Variants in MYO1F observed in about 807,000 individuals in gnomAD.
MYO1F encodes the protein myosin IF.
In MYO1F, 60 loss-of-function variants were observed where a neutral mutation model predicts 146.6. The observed-to-expected ratio is 0.41, with a 90% CI of 0.33 to 0.51. MYO1F has a LOEUF of 0.51. Among genes scored for constraint, MYO1F ranks in the 20% least tolerant of loss-of-function variants. The pLI is 0.25. For synonymous variants in MYO1F, 602 were observed against 602.1 expected (o/e 1.00, Z 0.00); for missense variants, 1,274 against 1,534.3 (o/e 0.83, Z 2.83).
At position 8,527,248 on chromosome 19, in the gene MYO1F, A is replaced by G. The variant is rs1211208431; in HGVS notation, c.2474+90T>C. On this transcript the variant is annotated intron_variant, in intron 22 of 27. Coordinates refer to ENST00000644032, the MANE Select transcript of MYO1F (RefSeq NM_012335.4). ...GGCTACAGGCATGGCACCAGGTAAG[A>G]TTGTCAGGGTAACAGACGGGGTCAC... is the stretch of plus-strand genomic sequence containing the variant. 2.6e-6 allele frequency: 4 copies of G among 1,561,482 alleles called. No individual in the cohort carries two copies. The Admixed American group carries it at 7.0e-5, about 27-fold the overall frequency.
chr19:8,526,553 G>A lies in MYO1F; in HGVS notation c.2670C>T (p.Arg890=). 1 of 1,597,228 alleles carries A rather than the reference G, an allele frequency of 6.3e-7. No individual in the cohort carries two copies. The highest frequency in any genetic ancestry group is 8.5e-7 in the Non-Finnish European group (1 of 1,174,146). ...KKEGWGGGGT[R]SVTFSRGFGD... is the part of the protein sequence containing the mutation. ...CGAAGCCGCGGGAGAAGGTGACGCT[G>A]CGGGTGCCGCCACCGCCCCAGCCCT... The change falls in exon 24 of 28, where the codon CGC becomes CGT. Residue 890 remains arginine, a synonymous_variant. Coordinates refer to ENST00000644032, the MANE Select transcript of MYO1F (RefSeq NM_012335.4).
At chr19:8,548,670 G>C (rs570201236) in intron 10 of MYO1F, among the ~76,000 whole-genome samples, 1 of 148,288 alleles carries the variant, frequency 6.7e-6, no homozygotes, top group Admixed American at 6.8e-5. Flanking sequence ...GCATGATCTC[G>C]GCTCACTGCA....
intron 1 of MYO1F, among the ~76,000 whole-genome samples, chr19:8,576,051 C>CA (rs1486064231): frequency 2.0e-5 from 3 of 152,196 alleles, no homozygotes; most frequent in Admixed American, 6.5e-5. Flanking sequence ...GGCTGGAGTG[C>CA]AGCGGCAGGA....
Position 8,577,209 on chromosome 19 carries a change from C to T in MYO1F, c.3+98G>A. The stretch of plus-strand genomic sequence containing the variant: ...CCCCACAGAAGTCCACCATGCCCCT[C>T]CCCTCACCCCAATTTCTGATGGTCA... On this transcript the variant is annotated intron_variant, in intron 1 of 27. Coordinates refer to ENST00000644032, the MANE Select transcript of MYO1F (RefSeq NM_012335.4). This position sits in a 1 kb window ranked among gnomAD's most constrained non-coding sequence, Gnocchi z 4.3. The T allele has an allele frequency of 1.0e-5, 15 of 1,445,436 alleles. No individual in the cohort carries two copies. The highest frequency in any genetic ancestry group is 9.6e-6 in the Non-Finnish European group (10 of 1,045,922). The allele number at this position is 1,445,436 out of a possible 1,614,324, so 89.5% of individuals were successfully genotyped here. A position where few individuals can be genotyped will look rare whatever the true frequency, so the allele number is the denominator to read the frequency against.
In MYO1F at chr19:8,554,468, T is replaced by A. The variant is rs1336769159; in HGVS notation, c.326+9A>T. 1 of 1,600,108 alleles carries A rather than the reference T, an allele frequency of 6.2e-7. No individual in the cohort carries two copies. The highest frequency in any genetic ancestry group is 2.2e-5 in the East Asian group (1 of 44,810). Reference sequence around the variant, plus strand: ...AGCAGGGTCTGTGGCCCCCCAACTCTGTCCATACCTAATGATGACACACTG... The same window carrying A: ...AGCAGGGTCTGTGGCCCCCCAACTCAGTCCATACCTAATGATGACACACTG... On this transcript the variant is annotated intron_variant, in intron 4 of 27. Coordinates refer to ENST00000644032, the MANE Select transcript of MYO1F (RefSeq NM_012335.4).
intron 1 of MYO1F, among the ~76,000 whole-genome samples, chr19:8,556,620 G>A (rs1201628262): frequency 6.6e-6 from 1 of 152,074 alleles, no homozygotes; most frequent in Non-Finnish European, 1.5e-5. Flanking sequence ...GGGCACAGTG[G>A]CTCATGCCTG....
chr19:8,553,894 A>ACACACACACACACTCTCTCTCTCTCT, intron 4 of MYO1F, among the ~76,000 whole-genome samples: 25 of 102,662 alleles, frequency 2.4e-4, no homozygotes, highest in African/African-American at 8.8e-4. Flanking sequence ...ACACACACAC[A>ACACACACACACACTCTCTCTCTCTCT]CTCTCTCTCT....
Position 8,526,497 on chromosome 19 carries a change from C to G in MYO1F, c.2726G>C (p.Arg909Pro). The G allele has an allele frequency of 6.4e-7, 1 of 1,573,196 alleles. No individual in the cohort carries two copies. The highest frequency in any genetic ancestry group is 2.3e-5 in the East Asian group (1 of 43,486). ...GDLAVLKVGG[R>P]TLTVSVGDGL... ...ATCGCCCACGCTGACCGTGAGGGTC[C>G]GACCGCCAACCTTGAGCACTGCCAA... Residue 909 changes from arginine (R) to proline (P), a missense_variant, in exon 24 of 28, where the codon CGG becomes CCG. Arg to Pro is a moderately radical substitution (Grantham distance 103, BLOSUM62 -2). This residue lies in a region of MYO1F where 374 missense variants were observed against 379.2 expected (regional missense o/e 0.99). Transcript: ENST00000644032.
intron 1 of MYO1F, among the ~76,000 whole-genome samples, chr19:8,560,928 G>A (rs1051147787): frequency 2.6e-5 from 4 of 151,900 alleles, no homozygotes; most frequent in Admixed American, 1.3e-4. Context: ...TGGTAGAGAC[G>A]GGGTTTCACT....
chr19:8,522,783 C>T lies in MYO1F; in HGVS notation c.2901G>A (p.Leu967=). 6.2e-7 allele frequency: 1 copy of T among 1,602,588 alleles called. No individual in the cohort carries two copies. Among genetic ancestry groups the T allele is most frequent in the South Asian group, 1.1e-5 (1 of 89,832 alleles). ...CCCCTCCAGACATGATCTCCAGGGG[C>T]AGGGGGCCCCCTCTGGCAGAGGGGG... The part of the protein sequence containing the change: ...GVPPSARGGP[L]PLEIMSGGGT... The change falls in exon 26 of 28, where the codon CTG becomes CTA. Residue 967 remains leucine, a synonymous_variant. Coordinates refer to ENST00000644032, the MANE Select transcript of MYO1F (RefSeq NM_012335.4).
At chr19:8,560,496 A>AG (rs1038481657) in intron 1 of MYO1F, among the ~76,000 whole-genome samples, 58 of 149,180 alleles carry the variant, frequency 3.9e-4, no homozygotes, top group African/African-American at 1.4e-3. Flanking sequence ...AAAAAAAGGA[A>AG]AAAAAAAAAA....
intron 15 of MYO1F, 155 bp downstream of exon 15, chr19:8,541,751 G>C (rs536735445): frequency 2.7e-6 from 2 of 739,792 alleles, no homozygotes; most frequent in Non-Finnish European, 4.7e-6. Context: ...TTTTACATCA[G>C]AACTAGTCCA....
At chr19:8,558,755 G>A (rs772286145) in intron 1 of MYO1F, among the ~76,000 whole-genome samples, 1 of 152,106 alleles carries the variant, frequency 6.6e-6, no homozygotes, top group Non-Finnish European at 1.5e-5. Context: ...CAGGCCAGGA[G>A]CTCCTGGAGA....
chr19:8,555,833 A>C (rs1973828673), intron 1 of MYO1F, 37 bp from the exon 2 acceptor site: 1 of 1,591,046 alleles, frequency 6.3e-7, no homozygotes, highest in Non-Finnish European at 8.6e-7. Context: ...GAGCCCTTGC[A>C]CGGGGATGCG....
chr19:8,550,829 C>T, intron 8 of MYO1F, 135 bp from the exon 9 acceptor site: 1 of 1,152,710 alleles, frequency 8.7e-7, no homozygotes, highest in Non-Finnish European at 1.3e-6. Flanking sequence ...CTTTCAGTCA[C>T]TTGCCGCGTG....
At chr19:8,532,057 G>A (rs1271857257) in intron 19 of MYO1F, among the ~76,000 whole-genome samples, 1 of 152,046 alleles carries the variant, frequency 6.6e-6, no homozygotes, top group Non-Finnish European at 1.5e-5. Flanking sequence ...GGTGGTGGTT[G>A]CAGTGAGCGG....
At chr19:8,554,808 GC>G in intron 2 of MYO1F, 65 bp from the exon 3 acceptor site, 1 of 1,440,068 alleles carries the variant, frequency 6.9e-7, no homozygotes, top group Non-Finnish European at 9.8e-7. Flanking sequence ...CCCTCATCCT[GC>G]CCCCACCCAG....
At chr19:8,558,322 C>T (rs1973941237) in intron 1 of MYO1F, among the ~76,000 whole-genome samples, 2 of 151,914 alleles carry the variant, frequency 1.3e-5, no homozygotes, top group South Asian at 2.1e-4. Context: ...TGCCACCATG[C>T]CCAGCTAATA....
At chr19:8,542,035 G>A (rs769240858) in intron 14 of MYO1F, 44 bp from the exon 15 acceptor site, 1 of 1,534,812 alleles carries the variant, frequency 6.5e-7, no homozygotes, top group Non-Finnish European at 9.0e-7. Context: ...TGAGAAACCT[G>A]GCTGGGAGGG....
Sources: gnomAD v4.1 joint callset for allele counts (sites outside exome capture counted in the v4.1 genomes callset) on GRCh38, gnomAD v4.1.1 for gene constraint, gnomAD v4.1.1 regional missense constraint, Gnocchi (gnomAD v3.1) non-coding constraint, MANE v1.5 for transcripts, NCBI Gene and HGNC (gene_info 2026-07-23, HGNC 2026-07-21) for gene names.